The following THADA variants were observed in gnomAD, a reference collection of about 807,000 sequenced individuals.
The protein encoded by THADA is THADA armadillo repeat containing.
THADA carries 213 observed loss-of-function variants against 219.8 expected under a neutral mutation model. The ratio of observed to expected loss-of-function variants is 0.97; its 90% CI spans 0.87 to 1.09. The LOEUF is 1.09. Among genes scored for constraint, THADA ranks in the 50% least tolerant of loss-of-function variants. THADA has a pLI of 0.00. For missense variants in THADA, 2,956 were observed against 2,311.3 expected (o/e 1.28, Z -5.72); for synonymous variants, 1,018 against 828.9 (o/e 1.23, Z -3.92).
At position 43,581,929 on chromosome 2, in the gene THADA, C is replaced by A; in HGVS notation, c.534-1G>T. 1 of 1,521,624 alleles carries A rather than the reference C, an allele frequency of 6.6e-7. No individual in the cohort carries two copies. 94.3% of individuals were successfully genotyped at this position (1,521,624 alleles called of 1,614,324 possible). A position where few individuals can be genotyped will look rare whatever the true frequency, so the allele number is the denominator to read the frequency against. ...AATAATATGATTTCCAGCACATTTT[C>A]TATAAAGAAGAAAAGACATTATTAC... On this transcript the variant is annotated splice_acceptor_variant, in intron 7 of 37. Coordinates refer to ENST00000405975, the MANE Select transcript of THADA (RefSeq NM_022065.5). LOFTEE classifies it high-confidence loss of function.
chr2:43,330,587 T>C (rs1679851507), intron 30 of THADA, among the ~76,000 whole-genome samples: 1 of 152,200 alleles, frequency 6.6e-6, no homozygotes, highest in Non-Finnish European at 1.5e-5. Context: ...CAGTTAAAGG[T>C]GCTGTCTCTA....
chr2:43,313,331 T>C (rs1677720755), intron 31 of THADA, among the ~76,000 whole-genome samples: 1 of 152,274 alleles, frequency 6.6e-6, no homozygotes, highest in Non-Finnish European at 1.5e-5. Flanking sequence ...ATTTAGGGTT[T>C]CTGACTCCAC....
intron 25 of THADA, among the ~76,000 whole-genome samples, chr2:43,487,558 C>G (rs1266376448): frequency 6.6e-6 from 1 of 152,218 alleles, no homozygotes; most frequent in Non-Finnish European, 1.5e-5. Flanking sequence ...TCTGCCTGAT[C>G]CATCCTGATA....
intron 29 of THADA, among the ~76,000 whole-genome samples, chr2:43,381,716 T>C (rs888884047): frequency 2.0e-5 from 3 of 151,994 alleles, no homozygotes; most frequent in African/African-American, 7.3e-5. Context: ...GTGGCTGAGA[T>C]TACAGGTGTG....
At chr2:43,316,851 C>G (rs1312941733) in intron 31 of THADA, among the ~76,000 whole-genome samples, 1 of 152,126 alleles carries the variant, frequency 6.6e-6, no homozygotes, top group Admixed American at 6.5e-5. Flanking sequence ...TGCTTGAACC[C>G]GGGACACGGA....
At chr2:43,384,008 C>T (rs1379960985) in intron 29 of THADA, among the ~76,000 whole-genome samples, 1 of 152,200 alleles carries the variant, frequency 6.6e-6, no homozygotes, top group South Asian at 2.1e-4. Flanking sequence ...ACACAGGCTA[C>T]CCCCCTACCC....
intron 26 of THADA, among the ~76,000 whole-genome samples, chr2:43,465,508 T>C (rs995355548): frequency 1.3e-5 from 2 of 152,200 alleles, no homozygotes; most frequent in African/African-American, 4.8e-5. Flanking sequence ...GTAGATTTTC[T>C]GCATGGGTGG....
intron 36 of THADA, among the ~76,000 whole-genome samples, chr2:43,260,789 T>C (rs1486206085): frequency 6.6e-6 from 1 of 152,220 alleles, no homozygotes; most frequent in Non-Finnish European, 1.5e-5. Context: ...TTTGGTAACA[T>C]GAAATATGAT....
chr2:43,335,444 T>C (rs762913402), intron 30 of THADA, among the ~76,000 whole-genome samples: 2 of 152,040 alleles, frequency 1.3e-5, no homozygotes, highest in Non-Finnish European at 2.9e-5. Context: ...GGGGTGAGAG[T>C]AGACTCTTAA....
At position 43,577,039 on chromosome 2, in the gene THADA, C is replaced by T. The variant is rs1278284608; in HGVS notation, c.1020G>A (p.Leu340=). The T allele has an allele frequency of 6.8e-6, 11 of 1,612,940 alleles. No homozygotes were observed. The Admixed American group carries it at 1.8e-4, about 27-fold the overall frequency. Residue 340 remains leucine, a synonymous_variant, in exon 10 of 38, where the codon TTG becomes TTA. Coordinates refer to ENST00000405975, the MANE Select transcript of THADA (RefSeq NM_022065.5). ...AAACTCACTGTGAACTCAAGGTGAA[C>T]AAAACATGTGCAGTATCCAAGAGCA... The part of the protein sequence containing the change: ...EALLLDTAHV[L]FTLSSQIKEP...
intron 36 of THADA, among the ~76,000 whole-genome samples, chr2:43,267,996 G>A (rs916042028): frequency 3.9e-5 from 6 of 152,212 alleles, no homozygotes; most frequent in African/African-American, 1.4e-4. Context: ...AGCTGGAGGT[G>A]AGGAAGCAGG....
chr2:43,339,625 A>G (rs989823503), intron 30 of THADA, among the ~76,000 whole-genome samples: 1 of 152,316 alleles, frequency 6.6e-6, no homozygotes, highest in Middle Eastern at 3.4e-3. Context: ...AGAAACACAC[A>G]TGCAATATAT....
intron 36 of THADA, among the ~76,000 whole-genome samples, chr2:43,235,000 G>T (rs1237473419): frequency 7.0e-6 from 1 of 143,564 alleles, no homozygotes; most frequent in Non-Finnish European, 1.5e-5. Flanking sequence ...TTTTTTCTCA[G>T]ACTGAGTCTT....
At chr2:43,326,927 C>G (rs1455516881) in intron 30 of THADA, among the ~76,000 whole-genome samples, 1 of 152,006 alleles carries the variant, frequency 6.6e-6, no homozygotes, top group Non-Finnish European at 1.5e-5. Flanking sequence ...CTGTTAAGGT[C>G]TCTAAGACAC....
rs1179702855 is a variant in THADA at position 43,544,642 on chromosome 2, G to T, written c.3107-3326C>A. Among the ~76,000 whole-genome samples the T allele has an allele frequency of 8.6e-5, 13 of 151,042 alleles. No individual in the cohort carries two copies. The South Asian group carries it at 2.5e-3, about 29-fold the overall frequency. Reference sequence around the variant, plus strand: ...ATTTTATTCTCTTTGAAGCAATTGTGAATGGGAGTTCACTCATGATTTGGC... The same window carrying T: ...ATTTTATTCTCTTTGAAGCAATTGTTAATGGGAGTTCACTCATGATTTGGC... On this transcript the variant is annotated intron_variant, in intron 20 of 37. Transcript: ENST00000405975.
At position 43,574,548 on chromosome 2, in the gene THADA, T is replaced by A; in HGVS notation, c.1517A>T (p.Lys506Met). The A allele has an allele frequency of 6.2e-7, 1 of 1,614,032 alleles. No individual in the cohort carries two copies. Among genetic ancestry groups the A allele is most frequent in the Non-Finnish European group, 8.5e-7 (1 of 1,179,894 alleles). ...AGCAGTCTGGGATTTCAAATGACTC[T>A]TATGATTTCTAAACATGGTTTCCAA... ...DLLETMFRNH[K>M]SHLKSQTAES... Residue 506 changes from lysine to methionine, a missense_variant, in exon 11 of 38, where the codon AAG (lysine) becomes ATG (methionine). Lys to Met is a moderately conservative substitution (Grantham distance 95). Coordinates refer to ENST00000405975, the MANE Select transcript of THADA (RefSeq NM_022065.5).
intron 22 of THADA, among the ~76,000 whole-genome samples, chr2:43,517,249 G>T (rs1002552929): frequency 1.3e-5 from 2 of 152,082 alleles, no homozygotes; most frequent in African/African-American, 4.8e-5. Flanking sequence ...TTAATAAACT[G>T]CTTTCTTATA....
chr2:43,360,437 A>G (rs1049956729), intron 29 of THADA, among the ~76,000 whole-genome samples: 1 of 152,230 alleles, frequency 6.6e-6, no homozygotes, highest in Non-Finnish European at 1.5e-5. Context: ...AAGATGACCA[A>G]TGACTACAGG....
At chr2:43,425,427 T>C (rs1440641960) in intron 28 of THADA, among the ~76,000 whole-genome samples, 1 of 150,186 alleles carries the variant, frequency 6.7e-6, no homozygotes, top group East Asian at 2.0e-4. Flanking sequence ...GCTACTACTG[T>C]CTAGCTTGTT....
Sources: allele counts gnomAD v4.1 joint callset (sites outside exome capture counted in the v4.1 genomes callset), GRCh38; gene constraint gnomAD v4.1.1; transcripts MANE v1.5; gene names NCBI Gene and HGNC (gene_info 2026-07-23, HGNC 2026-07-21).